GATA4: variants seen among roughly 807,000 people sequenced by gnomAD.
The protein encoded by GATA4 is GATA binding protein 4.
A neutral mutation model predicts 37.9 loss-of-function variants in GATA4; 7 were observed. That is an observed-to-expected ratio of 0.18 (90% CI 0.11 to 0.35). The LOEUF (loss-of-function observed/expected upper bound fraction) is 0.35. GATA4 is among the 10% of genes least tolerant of loss of function. The pLI is 1.00. For missense variants in GATA4, 647 were observed against 653.0 expected (o/e 0.99, Z 0.10); for synonymous variants, 372 against 292.6 (o/e 1.27, Z -2.77).
At chr8:11,711,131 C>T (rs2130089260) in intron 2 of GATA4, among the ~76,000 whole-genome samples, 1 of 152,288 alleles carries the variant, frequency 6.6e-6, no homozygotes, top group Non-Finnish European at 1.5e-5. Context: ...ACCGAAATAC[C>T]ATGTGAATGC....
intron 1 of GATA4, among the ~76,000 whole-genome samples, chr8:11,686,801 C>T (rs1190357511): frequency 6.6e-6 from 1 of 152,252 alleles, no homozygotes; most frequent in South Asian, 2.1e-4. Context: ...AGTTCGAGAC[C>T]AGCCTGACCA....
chr8:11,755,445 A>G (rs1802510195), intron 5 of GATA4, among the ~76,000 whole-genome samples: 1 of 152,194 alleles, frequency 6.6e-6, no homozygotes, highest in Non-Finnish European at 1.5e-5. Flanking sequence ...CGGTCCTTTC[A>G]TCTTTGGCGC....
intron 5 of GATA4, among the ~76,000 whole-genome samples, chr8:11,755,911 A>C (rs1400293578): frequency 6.9e-6 from 1 of 145,418 alleles, no homozygotes; most frequent in Non-Finnish European, 1.5e-5. Flanking sequence ...CCTGTCTTTA[A>C]AAAAAAAAAA....
At chr8:11,743,109 A>G (rs996473902) in intron 2 of GATA4, among the ~76,000 whole-genome samples, 1 of 152,236 alleles carries the variant, frequency 6.6e-6, no homozygotes, top group Non-Finnish European at 1.5e-5. Flanking sequence ...CTGAACGTCC[A>G]GGATGCTGAA....
At chr8:11,754,976 T>G (rs1250240082) in intron 4 of GATA4, 70 bp from the exon 5 acceptor site, 1 of 1,222,372 alleles carries the variant, frequency 8.2e-7, no homozygotes, top group African/African-American at 1.5e-5. Flanking sequence ...GCAGCAGGTG[T>G]GTGTCTTTCA....
At chr8:11,752,401 G>T (rs1309690770) in intron 4 of GATA4, among the ~76,000 whole-genome samples, 1 of 152,196 alleles carries the variant, frequency 6.6e-6, no homozygotes, top group Non-Finnish European at 1.5e-5. Flanking sequence ...AAGGTGAAAG[G>T]CACGTCTTAC....
chr8:11,724,034 T>A (rs2130162466), intron 2 of GATA4, among the ~76,000 whole-genome samples: 1 of 152,348 alleles, frequency 6.6e-6, no homozygotes, highest in African/African-American at 2.4e-5. Context: ...TGAATGTAAC[T>A]ACTTTAGTTA....
chr8:11,681,606 T>C, intron 1 of GATA4: 1 of 354,754 alleles, frequency 2.8e-6, no homozygotes, highest in Non-Finnish European at 3.9e-6. Context: ...TTAACAATTT[T>C]ATTTATTGGT....
intron 5 of GATA4, 65 bp from the exon 6 acceptor site, chr8:11,756,870 C>A: frequency 1.9e-6 from 3 of 1,610,204 alleles, no homozygotes; most frequent in Non-Finnish European, 2.5e-6. Flanking sequence ...GGCTGTCTCG[C>A]AGGCTGCCGG....
At chr8:11,726,418 G>C (rs1175218086) in intron 2 of GATA4, among the ~76,000 whole-genome samples, 1 of 152,226 alleles carries the variant, frequency 6.6e-6, no homozygotes, top group African/African-American at 2.4e-5. Context: ...CTCAAAGGTA[G>C]TAACACGGGA....
rs545421675 is a variant in GATA4 at position 11,682,594 on chromosome 8, C to T, written c.-274+5531C>T. 5.8e-4 allele frequency among the ~76,000 whole-genome samples: 46 copies of T among 79,658 alleles called. No individual in the cohort carries two copies. In the Admixed American group the frequency reaches 7.7e-3, roughly 13 times the overall value. The allele number at this position is 79,658 out of a possible 152,430, so 52.3% of individuals were successfully genotyped here. ...TTCCCTTCAAGAAACTTAAAGAAAG[C>T]TTTAACTCTTAAAAAAAAATTCTAA... On this transcript the variant is annotated intron_variant, in intron 1 of 6. Coordinates refer to the GATA4 transcript ENST00000528712.
In GATA4 at chr8:11,758,344, C is replaced by G. The variant is rs1563234584; in HGVS notation, c.1201C>G (p.Leu401Val). The G allele has an allele frequency of 1.2e-6, 2 of 1,614,190 alleles. No homozygotes were observed. Among genetic ancestry groups the G allele is most frequent in the Non-Finnish European group, 1.7e-6 (2 of 1,180,022 alleles). ...CCATGGGCCCTCCATCCACCCTGTC[C>G]TCTCGGCCCTGAAGCTCTCCCCACA... ...SGHGPSIHPV[L>V]SALKLSPQGY... Residue 401 changes from leucine to valine, a missense_variant, in exon 7 of 7, where the codon CTC (leucine) becomes GTC (valine). Leu to Val is a conservative substitution (Grantham distance 32). Around this residue, in one of 5 missense-constraint regions of GATA4, gnomAD observed 184 missense variants for 157.1 expected, o/e 1.17. Coordinates refer to ENST00000532059, the MANE Select transcript of GATA4 (RefSeq NM_001308093.3).
intron 1 of GATA4, chr8:11,692,692 G>A (rs1319047874): frequency 3.0e-6 from 3 of 984,932 alleles, no homozygotes; most frequent in Admixed American, 6.2e-5. Context: ...TGAGGGGTGC[G>A]GGGCTGCTCC....
rs989115054 is a variant in GATA4, at chr8:11,708,410, C to T, written c.98C>T (p.Ala33Val). 3 of 1,538,932 alleles carry T rather than the reference C, an allele frequency of 1.9e-6. No individual in the cohort carries two copies. The highest frequency in any genetic ancestry group is 2.7e-5 in the African/African-American group (2 of 73,640). Residue 33 changes from alanine (A) to valine (V), a missense_variant, in exon 2 of 7, where the codon GCG becomes GTG. Around this residue, in one of 5 missense-constraint regions of GATA4, gnomAD observed 379 missense variants for 334.5 expected, o/e 1.13. Coordinates refer to ENST00000532059, the MANE Select transcript of GATA4 (RefSeq NM_001308093.3). This position sits in a 1 kb window ranked among gnomAD's most constrained non-coding sequence, Gnocchi z 6.7. ...PGAFMHGAGA[A>V]SSPVYVPTPR... Reference sequence around the variant, plus strand: ...GCCTTCATGCACGGCGCGGGCGCCGCGTCCTCGCCAGTCTACGTGCCCACA... The same window carrying T: ...GCCTTCATGCACGGCGCGGGCGCCGTGTCCTCGCCAGTCTACGTGCCCACA...
chr8:11,678,069 A>ACAGCTTTGAGAAGGAGTG (rs1404935707), intron 1 of GATA4, among the ~76,000 whole-genome samples: 2 of 151,128 alleles, frequency 1.3e-5, no homozygotes, highest in African/African-American at 4.9e-5. Context: ...AATAGGAGTG[A>ACAGCTTTGAGAAGGAGTG]CAGCTTTGAG....
In GATA4 at chr8:11,749,545, G is replaced by A. The variant is rs993659643; in HGVS notation, c.786+460G>A. Among the ~76,000 whole-genome samples the A allele has an allele frequency of 1.3e-5, 2 of 152,196 alleles. No homozygotes were observed. The highest frequency in any genetic ancestry group is 2.1e-4 in the South Asian group (1 of 4,832). ...GTGCAAGCAGCTTGTGTTGGGCCCC[G>A]TGGCTAGGGAAGAGTTTGGGCCTGG... On this transcript the variant is annotated intron_variant, in intron 3 of 6. Transcript: ENST00000532059. This position sits in a 1 kb window ranked among gnomAD's most constrained non-coding sequence, Gnocchi z 4.6.
chr8:11,754,617 A>G (rs1445966817), intron 4 of GATA4, among the ~76,000 whole-genome samples: 1 of 151,988 alleles, frequency 6.6e-6, no homozygotes, highest in African/African-American at 2.4e-5. Context: ...TCTACTCAAA[A>G]CCTTTTACAA....
intron 2 of GATA4, among the ~76,000 whole-genome samples, chr8:11,712,548 G>GA (rs148913757): frequency 0.014 from 2,175 of 151,498 alleles, 58 homozygotes; most frequent in African/African-American, 0.049. Context: ...CATTTTATAG[G>GA]AAAAAAAAGA....
chr8:11,704,674 C>A (rs1284834662), intron 1 of GATA4, among the ~76,000 whole-genome samples: 1 of 152,208 alleles, frequency 6.6e-6, no homozygotes, highest in Non-Finnish European at 1.5e-5. Context: ...CTGACGGGCC[C>A]GGGACAGGCT....
Sources: gnomAD v4.1 joint callset for allele counts (sites outside exome capture counted in the v4.1 genomes callset) on GRCh38, gnomAD v4.1.1 for gene constraint, gnomAD v4.1.1 regional missense constraint, Gnocchi (gnomAD v3.1) non-coding constraint, MANE v1.5 for transcripts, NCBI Gene and HGNC (gene_info 2026-07-23, HGNC 2026-07-21) for gene names.